Variants in DUSP22 observed in about 807,000 individuals in gnomAD.
The protein encoded by DUSP22 is dual specificity protein phosphatase 22.
In DUSP22, 24 loss-of-function variants were observed where a neutral mutation model predicts 24.5. The ratio of observed to expected loss-of-function variants is 0.98; its 90% CI spans 0.71 to 1.38. DUSP22 has a LOEUF of 1.38. DUSP22 is among the 40% of genes most tolerant of loss of function. DUSP22 has a pLI of 0.00. For missense variants in DUSP22, 330 were observed against 269.2 expected, an observed-to-expected ratio of 1.23 and a Z score of -1.58; for synonymous variants, 160 against 106.4, an observed-to-expected ratio of 1.50 and a Z score of -3.10.
intron 3 of DUSP22, among the ~76,000 whole-genome samples, chr6:323,571 G>T (rs1238862799): frequency 1.3e-5 from 2 of 152,304 alleles, no homozygotes; most frequent in African/African-American, 4.8e-5. Flanking sequence ...GGCTCCTTCC[G>T]TGAGAGGTGC....
chr6:304,707 A>C, intron 2 of DUSP22, 46 bp downstream of exon 2: 4 of 1,609,868 alleles, frequency 2.5e-6, no homozygotes, highest in Non-Finnish European at 2.6e-6. Context: ...CACATAACAT[A>C]AAATGTGTCA....
chr6:349,120 G>T lies in DUSP22; in HGVS notation c.*169G>T. 3 of 1,443,690 alleles carry T rather than the reference G, an allele frequency of 2.1e-6. No individual in the cohort carries two copies. Among genetic ancestry groups the T allele is most frequent in the Non-Finnish European group, 2.7e-6 (3 of 1,105,500 alleles). 89.4% of individuals were successfully genotyped at this position (1,443,690 alleles called of 1,614,324 possible). A position where few individuals can be genotyped will look rare whatever the true frequency, so the allele number is the denominator to read the frequency against. On this transcript the variant is annotated 3_prime_UTR_variant, in exon 7 of 7. Transcript: ENST00000419235. ...CCGCCCAGCCCTGCTCCAGGCCCCT[G>T]CACTCCGCCCACCCCTACCCTGGCT...
In DUSP22 at chr6:348,786, G is replaced by A. The variant is rs1255966275; in HGVS notation, c.453G>A (p.Lys151=). 2 of 1,614,186 alleles carry A rather than the reference G, an allele frequency of 1.2e-6. No individual in the cohort carries two copies. The highest frequency in any genetic ancestry group is 2.2e-5 in the East Asian group (1 of 44,908). The change falls in exon 7 of 7, where the codon AAG becomes AAA. Residue 151 remains lysine, a synonymous_variant. Transcript: ENST00000419235. ...CTCTCCAGTATCGGCAGTGGCTGAA[G>A]GAAGAATATGGAGAGAGCCCTTTGC... is the stretch of plus-strand genomic sequence containing the variant. ...HEVHQYRQWL[K]EEYGESPLQD...
chr6:297,965 G>T (rs1757417822), intron 1 of DUSP22, among the ~76,000 whole-genome samples: 2 of 152,306 alleles, frequency 1.3e-5, no homozygotes, highest in Admixed American at 1.3e-4. Context: ...GCTGTTAATA[G>T]GAAAGACACG....
intron 3 of DUSP22, among the ~76,000 whole-genome samples, chr6:333,444 A>C (rs982651112): frequency 6.6e-6 from 1 of 152,308 alleles, no homozygotes; most frequent in Admixed American, 6.5e-5. Context: ...GTGAGGGAGA[A>C]AACGTTTTTG....
chr6:340,932 C>T (rs1759578232), intron 4 of DUSP22, among the ~76,000 whole-genome samples: 1 of 152,298 alleles, frequency 6.6e-6, no homozygotes, highest in African/African-American at 2.4e-5. Flanking sequence ...TGTACAAGCT[C>T]ATCCACCATC....
At position 306,358 on chromosome 6, in the gene DUSP22, G is replaced by A. The variant is rs538303444; in HGVS notation, c.55+1697G>A. Among the ~76,000 whole-genome samples, 3 of 152,402 alleles carry A rather than the reference G, an allele frequency of 2.0e-5. No individual in the cohort carries two copies. In the South Asian group the frequency reaches 6.2e-4, roughly 32 times the overall value. The stretch of plus-strand genomic sequence containing the variant: ...TTAATCATGAAAGGTTACTTTTTTT[G>A]GAAGGACAGCTTTAAGGAAATATTT... On this transcript the variant is annotated intron_variant, in intron 2 of 6. Coordinates refer to ENST00000419235, the MANE Select transcript of DUSP22 (RefSeq NM_001286555.3).
At chr6:303,398 A>G (rs1166492036) in intron 1 of DUSP22, among the ~76,000 whole-genome samples, 2 of 152,306 alleles carry the variant, frequency 1.3e-5, no homozygotes, top group Non-Finnish European at 2.9e-5. Flanking sequence ...TGGGCCTAGC[A>G]CTGCCGCCCT....
At chr6:346,429 G>GACCCACAC (rs1554102805) in intron 5 of DUSP22, among the ~76,000 whole-genome samples, 1 of 151,200 alleles carries the variant, frequency 6.6e-6, no homozygotes, top group Non-Finnish European at 1.5e-5. Context: ...ATTTTGTGTA[G>GACCCACAC]ACACACACAC....
chr6:323,389 G>A (rs868381174), intron 3 of DUSP22, among the ~76,000 whole-genome samples: 7 of 152,302 alleles, frequency 4.6e-5, no homozygotes, highest in African/African-American at 1.7e-4. Flanking sequence ...TCGCCAGCTA[G>A]CTCTGGCCTT....
chr6:307,612 G>A (rs1405190072), intron 2 of DUSP22, among the ~76,000 whole-genome samples: 1 of 152,308 alleles, frequency 6.6e-6, no homozygotes, highest in Non-Finnish European at 1.5e-5. Flanking sequence ...AAGCCAGAGA[G>A]AGCAGCCCCT....
chr6:336,752 G>C (rs1314560815), intron 4 of DUSP22, among the ~76,000 whole-genome samples: 1 of 152,300 alleles, frequency 6.6e-6, no homozygotes, highest in Non-Finnish European at 1.5e-5. Context: ...TAGGAAAACA[G>C]AGTAGCACTC....
chr6:348,504 C>T, intron 6 of DUSP22: 1 of 861,052 alleles, frequency 1.2e-6, no homozygotes, highest in Non-Finnish European at 1.8e-6. Context: ...CTGGTACTCC[C>T]TACTAGTTTG....
At chr6:336,754 GT>G (rs1354682600) in intron 4 of DUSP22, among the ~76,000 whole-genome samples, 3 of 152,306 alleles carry the variant, frequency 2.0e-5, no homozygotes, top group Non-Finnish European at 2.9e-5. Flanking sequence ...GGAAAACAGA[GT>G]AGCACTCTAG....
intron 4 of DUSP22, 151 bp from the exon 5 acceptor site, chr6:345,703 C>T: frequency 1.1e-6 from 1 of 894,710 alleles, no homozygotes; most frequent in Non-Finnish European, 1.7e-6. Flanking sequence ...ATTGAAGTGT[C>T]ACACTGTAGC....
rs1760138938 is a variant in DUSP22 at position 350,379 on chromosome 6, A to G, written c.*1428A>G. On this transcript the variant is annotated 3_prime_UTR_variant, in exon 7 of 7. Coordinates refer to ENST00000419235, the MANE Select transcript of DUSP22 (RefSeq NM_001286555.3). Reference sequence around the variant, plus strand: ...TTATACCGACTCAGATTCCTTAAGCATGCAGAGTCACTCGAATGAAAAAAC... The same window carrying G: ...TTATACCGACTCAGATTCCTTAAGCGTGCAGAGTCACTCGAATGAAAAAAC... 10 of 1,089,116 alleles carry G rather than the reference A, an allele frequency of 9.2e-6. No homozygotes were observed. The highest frequency in any genetic ancestry group is 4.9e-5 in the Admixed American group (1 of 20,420). The allele number at this position is 1,089,116 out of a possible 1,614,324, so 67.5% of individuals were successfully genotyped here.
chr6:306,907 G>A (rs1358712693), intron 2 of DUSP22, among the ~76,000 whole-genome samples: 1 of 152,308 alleles, frequency 6.6e-6, no homozygotes, highest in Non-Finnish European at 1.5e-5. Flanking sequence ...TCACAGGGCT[G>A]TAGCGGGGCT....
At chr6:326,668 G>T (rs945228988) in intron 3 of DUSP22, among the ~76,000 whole-genome samples, 1 of 152,308 alleles carries the variant, frequency 6.6e-6, no homozygotes, top group African/African-American at 2.4e-5. Context: ...GGCAAATCCT[G>T]TCTACTACCA....
At chr6:336,345 C>A (rs1759361371) in intron 4 of DUSP22, among the ~76,000 whole-genome samples, 1 of 152,306 alleles carries the variant, frequency 6.6e-6, no homozygotes, top group Admixed American at 6.5e-5. Context: ...TCAGGCTCGT[C>A]TGGATTCCCC....
Sources: gnomAD v4.1 joint callset for allele counts (sites outside exome capture counted in the v4.1 genomes callset) on GRCh38, gnomAD v4.1.1 for gene constraint, MANE v1.5 for transcripts, NCBI Gene and HGNC (gene_info 2026-07-23, HGNC 2026-07-21) for gene names.